The following CDCP1 variants were observed in gnomAD, a reference collection of about 807,000 sequenced individuals.
CDCP1 encodes the protein CUB domain-containing protein 1.
CDCP1 carries 29 observed loss-of-function variants against 60.2 expected under a neutral mutation model. The observed-to-expected ratio is 0.48, with a 90% CI of 0.36 to 0.66. CDCP1 has a LOEUF of 0.66. Among genes scored for constraint, CDCP1 ranks in the 30% least tolerant of loss-of-function variants. The pLI is 0.00. For missense variants in CDCP1, 876 were observed against 1,074.3 expected (o/e 0.82, Z 2.58); for synonymous variants, 387 against 431.1 (o/e 0.90, Z 1.27).
intron 1 of CDCP1, among the ~76,000 whole-genome samples, chr3:45,135,757 C>T (rs972282531): frequency 7.9e-5 from 12 of 152,132 alleles, no homozygotes; most frequent in African/African-American, 2.7e-4. Flanking sequence ...ATATTTTGTC[C>T]TCCTCTTTCT....
chr3:45,118,356 G>T, intron 2 of CDCP1, 56 bp downstream of exon 2: 1 of 1,240,936 alleles, frequency 8.1e-7, no homozygotes, highest in Non-Finnish European at 1.2e-6. Context: ...AGACAGTCAG[G>T]GAGGTGTAGA....
chr3:45,096,892 T>A (rs1698408540), intron 4 of CDCP1, among the ~76,000 whole-genome samples: 1 of 152,062 alleles, frequency 6.6e-6, no homozygotes, highest in South Asian at 2.1e-4. Context: ...TCAAGGAGGA[T>A]TTTAGCTTTG....
At chr3:45,121,720 G>A (rs374201309) in intron 1 of CDCP1, among the ~76,000 whole-genome samples, 1 of 152,208 alleles carries the variant, frequency 6.6e-6, no homozygotes. Context: ...AGACCGTGCA[G>A]GGTGAGGGGA....
intron 4 of CDCP1, among the ~76,000 whole-genome samples, chr3:45,097,263 C>T (rs531179963): frequency 6.6e-6 from 1 of 150,664 alleles, no homozygotes; most frequent in East Asian, 1.9e-4. Context: ...GCCGAGATCC[C>T]GCTATTTCAC....
chr3:45,135,130 T>C (rs530520457), intron 1 of CDCP1, among the ~76,000 whole-genome samples: 1 of 152,082 alleles, frequency 6.6e-6, no homozygotes, highest in Non-Finnish European at 1.5e-5. Context: ...TTATATCAAC[T>C]AGGATGGTCA....
intron 4 of CDCP1, among the ~76,000 whole-genome samples, chr3:45,103,445 C>A (rs1018447996): frequency 6.6e-6 from 1 of 152,142 alleles, no homozygotes; most frequent in African/African-American, 2.4e-5. Flanking sequence ...CTATGAATAT[C>A]CTTGTACAAG....
chr3:45,106,931 CTA>C (rs1370394842), intron 4 of CDCP1, among the ~76,000 whole-genome samples: 1 of 152,164 alleles, frequency 6.6e-6, no homozygotes, highest in African/African-American at 2.4e-5. Flanking sequence ...ACCTCCAAGG[CTA>C]AGAAAGCAGG....
rs1576096923 is a variant in CDCP1, at chr3:45,110,575, T to A, written c.922A>T (p.Asn308Tyr). ...CAGCCTTGCAGAGAGAGGTTGAAGT[T>A]CCCCGCCATGTTCCCAGGCTGCTTG... ...EDKQPGNMAG[N>Y]FNLSLQGCDQ... Residue 308 changes from asparagine (N) to tyrosine (Y), a missense_variant, in exon 4 of 9, where the codon AAC (asparagine) becomes TAC (tyrosine). By Grantham distance (143) the Asn-to-Tyr change is moderately radical (BLOSUM62 -2). Around this residue, in one of 2 missense-constraint regions of CDCP1, gnomAD observed 726 missense variants for 935.7 expected, o/e 0.78. Transcript: ENST00000296129. 1.2e-5 allele frequency: 20 copies of A among 1,614,098 alleles called. No individual in the cohort carries two copies. The highest frequency in any genetic ancestry group is 1.7e-5 in the Non-Finnish European group (20 of 1,180,010).
At chr3:45,100,264 G>C (rs1698468369) in intron 4 of CDCP1, among the ~76,000 whole-genome samples, 1 of 152,244 alleles carries the variant, frequency 6.6e-6, no homozygotes, top group African/African-American at 2.4e-5. Flanking sequence ...CAGTACTTCA[G>C]TTTTACTCAA....
intron 1 of CDCP1, among the ~76,000 whole-genome samples, chr3:45,143,371 C>T (rs1251081417): frequency 1.3e-5 from 2 of 152,112 alleles, no homozygotes; most frequent in Non-Finnish European, 2.9e-5. Flanking sequence ...ATTTCAAGTG[C>T]CTTTTCACTG....
chr3:45,087,254 C>T (rs991087243), intron 8 of CDCP1, among the ~76,000 whole-genome samples: 1 of 152,192 alleles, frequency 6.6e-6, no homozygotes, highest in Non-Finnish European at 1.5e-5. Flanking sequence ...ATTGTCTCTC[C>T]TCATTCTCAC....
intron 2 of CDCP1, among the ~76,000 whole-genome samples, chr3:45,114,924 G>A (rs913168359): frequency 2.0e-5 from 3 of 151,138 alleles, no homozygotes; most frequent in Non-Finnish European, 3.0e-5. Flanking sequence ...TTACTACATA[G>A]TAAGCCATGT....
chr3:45,112,519 AG>A, intron 2 of CDCP1, 74 bp from the exon 3 acceptor site: 1 of 1,554,192 alleles, frequency 6.4e-7, no homozygotes, highest in African/African-American at 1.4e-5. Flanking sequence ...TCCACCACTC[AG>A]CCCCCTGTAG....
chr3:45,110,406 G>A, intron 4 of CDCP1, 67 bp downstream of exon 4: 2 of 1,569,820 alleles, frequency 1.3e-6, no homozygotes, highest in African/African-American at 1.4e-5. Context: ...GCCTCACCCA[G>A]GCAGACTACC....
Position 45,108,953 on chromosome 3 carries a change from A to ATATATATATATATTTTT in CDCP1, c.1024+1519_1024+1520insAAAAATATATATATATA, listed in dbSNP as rs1401302861. On this transcript the variant is annotated intron_variant, in intron 4 of 8. Coordinates refer to ENST00000296129, the MANE Select transcript of CDCP1 (RefSeq NM_022842.5). The stretch of plus-strand genomic sequence containing the variant: ...CATGTATACATATATATATATATAT[A>ATATATATATATATTTTT]TTTTTTTTTTTTTTGAGATGGAGTC... 1.2e-4 allele frequency among the ~76,000 whole-genome samples: 5 copies of ATATATATATATATTTTT among 41,134 alleles called. 2 individuals carry two copies. Among genetic ancestry groups the ATATATATATATATTTTT allele is most frequent in the Non-Finnish European group, 2.3e-4 (5 of 21,460 alleles). The allele number at this position is 41,134 out of a possible 152,430, so 27.0% of individuals were successfully genotyped here. A position where few individuals can be genotyped will look rare whatever the true frequency, so the allele number is the denominator to read the frequency against.
In CDCP1 at chr3:45,146,330, G is replaced by T; in HGVS notation, c.-43C>A. 6.6e-7 allele frequency: 1 copy of T among 1,508,474 alleles called. No homozygotes were observed. The highest frequency in any genetic ancestry group is 8.9e-7 in the Non-Finnish European group (1 of 1,128,422). 93.4% of individuals were successfully genotyped at this position (1,508,474 alleles called of 1,614,324 possible). ...GCCTCGGTGGGGAAAACGACGGTGG[G>T]GAGCGGCGGCCCCAGGCGCCCAAGC... On this transcript the variant is annotated 5_prime_UTR_variant, in exon 1 of 9. Transcript: ENST00000296129.
At chr3:45,095,639 A>G (rs1698386028) in intron 4 of CDCP1, 71 bp from the exon 5 acceptor site, 2 of 1,303,202 alleles carry the variant, frequency 1.5e-6, no homozygotes, top group Admixed American at 3.5e-5. Flanking sequence ...AAAAATTGGT[A>G]GAAAACCTCT....
At position 45,093,360 on chromosome 3, in the gene CDCP1, A is replaced by C. The variant is rs767817729; in HGVS notation, c.1544T>G (p.Val515Gly). Residue 515 changes from valine to glycine, a missense_variant, in exon 6 of 9, where the codon GTG (valine) becomes GGG (glycine). Val to Gly is a moderately radical substitution (Grantham distance 109, BLOSUM62 -3). Coordinates refer to ENST00000296129, the MANE Select transcript of CDCP1 (RefSeq NM_022842.5). ...KQIQVKQNISVTLRTFAPSFQ... is the reference protein window; with the variant it reads ...KQIQVKQNISGTLRTFAPSFQ... ...GCTGGGGGCAAAGGTGCGAAGGGTC[A>C]CCGAGATGTTCTGCTTCACCTGGAT... is the stretch of plus-strand genomic sequence containing the variant. The C allele has an allele frequency of 6.2e-7, 1 of 1,614,242 alleles. No individual in the cohort carries two copies. The highest frequency in any genetic ancestry group is 8.5e-7 in the Non-Finnish European group (1 of 1,180,050).
intron 2 of CDCP1, among the ~76,000 whole-genome samples, chr3:45,115,860 C>T (rs773177835): frequency 6.6e-6 from 1 of 152,070 alleles, no homozygotes; most frequent in South Asian, 2.1e-4. Context: ...CATGCCACCA[C>T]GCCTGGCTAA....
Sources: gnomAD v4.1 joint callset for allele counts (sites outside exome capture counted in the v4.1 genomes callset) on GRCh38, gnomAD v4.1.1 for gene constraint, gnomAD v4.1.1 regional missense constraint, MANE v1.5 for transcripts, NCBI Gene and HGNC (gene_info 2026-07-23, HGNC 2026-07-21) for gene names.